The following FCAR variants were observed in gnomAD, a reference collection of about 807,000 sequenced individuals.
FCAR encodes immunoglobulin alpha Fc receptor.
In FCAR, 21 loss-of-function variants were observed where a neutral mutation model predicts 27.1. That is an observed-to-expected ratio of 0.77 (90% CI 0.55 to 1.11). The LOEUF (loss-of-function observed/expected upper bound fraction) is 1.11. Among genes scored for constraint, FCAR ranks in the 50% most tolerant of loss-of-function variants. The pLI is 0.00. For synonymous variants in FCAR, 134 were observed against 135.8 expected (o/e 0.99, Z 0.09); for missense variants, 404 against 358.4 (o/e 1.13, Z -1.03).
chr19:54,889,642 T>C lies in FCAR; in HGVS notation c.650-7T>C, dbSNP rs760355970. The C allele has an allele frequency of 1.9e-6, 3 of 1,609,976 alleles. No individual in the cohort carries two copies. The Admixed American group carries it at 5.0e-5, about 27-fold the overall frequency. On this transcript the variant is annotated splice_polypyrimidine_tract_variant and splice_region_variant and intron_variant, in intron 4 of 4. Coordinates refer to ENST00000355524, the MANE Select transcript of FCAR (RefSeq NM_002000.4). Reference sequence around the variant, plus strand: ...CAACCATTCATCTCCTTGAATTGTGTCTCCAGACTCCATCCACCAAGATTA... The same window carrying C: ...CAACCATTCATCTCCTTGAATTGTGCCTCCAGACTCCATCCACCAAGATTA...
intron 2 of FCAR, among the ~76,000 whole-genome samples, chr19:54,879,660 T>A (rs2145857773): frequency 6.9e-6 from 1 of 144,202 alleles, no homozygotes; most frequent in Non-Finnish European, 1.5e-5. Context: ...CCCCTTCTTT[T>A]TTGCTGCCTT....
chr19:54,878,901 T>A (rs902649670), intron 2 of FCAR, among the ~76,000 whole-genome samples: 17 of 132,658 alleles, frequency 1.3e-4, no homozygotes, highest in African/African-American at 5.0e-4. Context: ...TTTTTTGAGA[T>A]GGAGTCTCAC....
Position 54,875,339 on chromosome 19 carries a change from T to G in FCAR, c.44T>G (p.Leu15Arg). 1 of 1,613,932 alleles carries G rather than the reference T, an allele frequency of 6.2e-7. No individual in the cohort carries two copies. The highest frequency in any genetic ancestry group is 8.5e-7 in the Non-Finnish European group (1 of 1,179,886). The part of the protein sequence containing the change: ...QTTLLCLVLC[L>R]GQRIQAQEGD... ...AATCTCTCTCTTCCAGTGCTCTGTCTGGGCCAGAGGATTCAGGCACAGGAA... is the reference window on the plus strand; with the variant it reads ...AATCTCTCTCTTCCAGTGCTCTGTCGGGGCCAGAGGATTCAGGCACAGGAA... The change falls in exon 2 of 5, where the codon CTG becomes CGG. Residue 15 changes from leucine to arginine, a missense_variant. By Grantham distance (102) the Leu-to-Arg change is moderately radical. Coordinates refer to ENST00000355524, the MANE Select transcript of FCAR (RefSeq NM_002000.4).
At chr19:54,885,670 C>T (rs936519971) in intron 3 of FCAR, 145 bp downstream of exon 3, 5 of 621,922 alleles carry the variant, frequency 8.0e-6, no homozygotes, top group Non-Finnish European at 1.4e-5. Flanking sequence ...ACCCCACTTC[C>T]CCCAGAGTTA....
chr19:54,874,354 G>A, intron 1 of FCAR, 31 bp downstream of exon 1: 2 of 1,610,672 alleles, frequency 1.2e-6, no homozygotes, highest in Non-Finnish European at 1.7e-6. Flanking sequence ...GGGTTAGAGG[G>A]GAAGATAGAG....
chr19:54,879,696 G>A (rs1003003163), intron 2 of FCAR, among the ~76,000 whole-genome samples: 2 of 133,266 alleles, frequency 1.5e-5, no homozygotes, highest in African/African-American at 5.7e-5. Context: ...TTTTTTTTGA[G>A]ACTGAGTCTT....
At position 54,889,828 on chromosome 19, in the gene FCAR, T is replaced by C. The variant is rs1260659622; in HGVS notation, c.829T>C (p.Leu277=). 2 of 1,608,378 alleles carry C rather than the reference T, an allele frequency of 1.2e-6. No individual in the cohort carries two copies. The highest frequency in any genetic ancestry group is 2.7e-5 in the African/African-American group (2 of 74,898). The change falls in exon 5 of 5, where the codon TTG becomes CTG. Residue 277 remains leucine, a synonymous_variant. Coordinates refer to ENST00000355524, the MANE Select transcript of FCAR (RefSeq NM_002000.4). ...SWSQQMCQPG[L]TFARTPSVCK ...GAGCCAACAGATGTGTCAGCCAGGA[T>C]TGACCTTTGCACGAACACCAAGTGT...
chr19:54,877,335 T>C (rs1227208156), intron 2 of FCAR, among the ~76,000 whole-genome samples: 2 of 152,180 alleles, frequency 1.3e-5, no homozygotes, highest in East Asian at 3.8e-4. Context: ...CAGGAGGGTG[T>C]ATGTGTCCAG....
intron 2 of FCAR, among the ~76,000 whole-genome samples, chr19:54,882,531 C>T (rs989873348): frequency 6.6e-6 from 1 of 151,698 alleles, no homozygotes; most frequent in Non-Finnish European, 1.5e-5. Flanking sequence ...CTTCACCTCC[C>T]GGGTTCAAGC....
chr19:54,885,289 A>T lies in FCAR; in HGVS notation c.125A>T (p.Asp42Val). ...AAATCGAGTCCTGTGATTCCCTTGG[A>T]TGGATCTGTGAAAATCCAGTGCCAG... is the stretch of plus-strand genomic sequence containing the variant. Reference protein sequence around the residue: ...SAKSSPVIPLDGSVKIQCQAI... With the variant: ...SAKSSPVIPLVGSVKIQCQAI... Residue 42 changes from aspartate to valine, a missense_variant, in exon 3 of 5, where the codon GAT becomes GTT. Coordinates refer to ENST00000355524, the MANE Select transcript of FCAR (RefSeq NM_002000.4). 1 of 1,613,952 alleles carries T rather than the reference A, an allele frequency of 6.2e-7. No homozygotes were observed. The highest frequency in any genetic ancestry group is 8.5e-7 in the Non-Finnish European group (1 of 1,179,936).
intron 2 of FCAR, among the ~76,000 whole-genome samples, chr19:54,882,939 G>T (rs774400513): frequency 2.0e-5 from 3 of 152,110 alleles, no homozygotes; most frequent in Non-Finnish European, 4.4e-5. Context: ...GATCCAGTAG[G>T]TGGCACTTAA....
At chr19:54,886,453 G>A (rs1014790047) in intron 3 of FCAR, among the ~76,000 whole-genome samples, 4 of 151,134 alleles carry the variant, frequency 2.6e-5, no homozygotes, top group African/African-American at 9.7e-5. Context: ...GACTACAGGC[G>A]CCCGCCACCA....
intron 3 of FCAR, among the ~76,000 whole-genome samples, chr19:54,887,528 G>T (rs2066806855): frequency 6.6e-6 from 1 of 152,002 alleles, no homozygotes; most frequent in Non-Finnish European, 1.5e-5. Flanking sequence ...GGCTGAGGCA[G>T]GAGACTCACT....
chr19:54,883,433 C>T (rs1015806413), intron 2 of FCAR, among the ~76,000 whole-genome samples: 1 of 152,210 alleles, frequency 6.6e-6, no homozygotes, highest in African/African-American at 2.4e-5. Context: ...GCCCACGGGG[C>T]TCCCTCAGGC....
intron 2 of FCAR, among the ~76,000 whole-genome samples, chr19:54,882,599 C>A (rs763598153): frequency 6.6e-6 from 1 of 151,758 alleles, no homozygotes; most frequent in Non-Finnish European, 1.5e-5. Context: ...CCACCACGCC[C>A]GGCTAATTTT....
chr19:54,879,716 C>T (rs1380126266), intron 2 of FCAR, among the ~76,000 whole-genome samples: 1 of 150,954 alleles, frequency 6.6e-6, no homozygotes, highest in African/African-American at 2.4e-5. Context: ...TGCTCTGTTG[C>T]CCAGGCTGCC....
intron 2 of FCAR, among the ~76,000 whole-genome samples, chr19:54,883,012 T>C (rs1042294858): frequency 3.3e-5 from 5 of 152,038 alleles, no homozygotes; most frequent in Non-Finnish European, 7.4e-5. Context: ...TTTCGTTTTT[T>C]GTTTCGTTTT....
chr19:54,881,717 A>G (rs1028733411), intron 2 of FCAR, among the ~76,000 whole-genome samples: 4 of 152,002 alleles, frequency 2.6e-5, no homozygotes, highest in African/African-American at 9.6e-5. Flanking sequence ...CTGAAAACAC[A>G]AAAAATGAGC....
At chr19:54,880,517 T>G (rs1277956189) in intron 2 of FCAR, among the ~76,000 whole-genome samples, 2 of 152,206 alleles carry the variant, frequency 1.3e-5, no homozygotes, top group Non-Finnish European at 2.9e-5. Context: ...TTGATGACCT[T>G]AATTTCTATC....
Sources: gnomAD v4.1 joint callset for allele counts (sites outside exome capture counted in the v4.1 genomes callset) on GRCh38, gnomAD v4.1.1 for gene constraint, MANE v1.5 for transcripts, NCBI Gene and HGNC (gene_info 2026-07-23, HGNC 2026-07-21) for gene names.